GABBR2: variants seen among roughly 807,000 people sequenced by gnomAD.
GABBR2 encodes the protein G-protein coupled receptor 51.
GABBR2 carries 23 observed loss-of-function variants against 105.6 expected under a neutral mutation model. The observed-to-expected ratio is 0.22, with a 90% confidence interval of 0.16 to 0.31. The LOEUF (loss-of-function observed/expected upper bound fraction) is 0.31. Among genes scored for constraint, GABBR2 ranks in the 10% least tolerant of loss-of-function variants. The probability of loss-of-function intolerance (pLI) is 1.00; values close to 1 mark genes in which losing one functional copy is unlikely to be tolerated. For synonymous variants in GABBR2, 478 were observed against 499.7 expected (o/e 0.96, Z 0.58); for missense variants, 734 against 1,245.5 (o/e 0.59, Z 6.18).
intron 17 of GABBR2, among the ~76,000 whole-genome samples, chr9:98,295,064 G>A (rs1450987700): frequency 6.6e-6 from 1 of 152,128 alleles, no homozygotes; most frequent in African/African-American, 2.4e-5. Flanking sequence ...TTGCACCTAC[G>A]TGTGTACAGT....
intron 6 of GABBR2, among the ~76,000 whole-genome samples, chr9:98,464,879 C>A (rs553263681): frequency 3.3e-5 from 5 of 151,936 alleles, no homozygotes; most frequent in Non-Finnish European, 7.4e-5. Context: ...GGATTAAGGG[C>A]GGTGCAAGAT....
At chr9:98,331,421 T>TG (rs1343659796) in intron 13 of GABBR2, among the ~76,000 whole-genome samples, 5 of 113,094 alleles carry the variant, frequency 4.4e-5, no homozygotes, top group Middle Eastern at 4.4e-3. Flanking sequence ...TTTTTTTTTT[T>TG]GTGAAACATT....
chr9:98,504,531 T>C lies in GABBR2; in HGVS notation c.631-8017A>G, dbSNP rs186994715. On this transcript the variant is annotated intron_variant, in intron 3 of 18. Coordinates refer to ENST00000259455, the MANE Select transcript of GABBR2 (RefSeq NM_005458.8). ...ATGCACTTTACAACTCTTTGAAAAT[T>C]CTAATTAGGTTACGAAATGAACTTG... 3.0e-4 allele frequency among the ~76,000 whole-genome samples: 46 copies of C among 152,352 alleles called. No individual in the cohort carries two copies. The East Asian group carries it at 7.7e-3, about 26-fold the overall frequency.
intron 3 of GABBR2, among the ~76,000 whole-genome samples, chr9:98,541,535 C>T (rs575109268): frequency 6.6e-6 from 1 of 152,068 alleles, no homozygotes; most frequent in African/African-American, 2.4e-5. Context: ...GATGAACACA[C>T]CCCCTGGTAG....
intron 9 of GABBR2, among the ~76,000 whole-genome samples, chr9:98,392,968 A>T (rs1588137551): frequency 2.7e-5 from 1 of 37,034 alleles, no homozygotes; most frequent in Admixed American, 2.8e-4. Context: ...CACCCACCCA[A>T]CCCACCCACC....
intron 1 of GABBR2, among the ~76,000 whole-genome samples, chr9:98,599,693 A>G (rs1829296388): frequency 6.6e-6 from 1 of 152,230 alleles, no homozygotes; most frequent in Non-Finnish European, 1.5e-5. Flanking sequence ...ATGCGGGTAT[A>G]CAGTGACCTG....
intron 1 of GABBR2, among the ~76,000 whole-genome samples, chr9:98,603,906 C>G (rs950750755): frequency 2.6e-5 from 4 of 152,206 alleles, no homozygotes; most frequent in African/African-American, 9.7e-5. Context: ...AACCTTCCTA[C>G]CAACATGGAC....
intron 7 of GABBR2, among the ~76,000 whole-genome samples, chr9:98,431,905 C>T (rs1825814900): frequency 6.6e-6 from 1 of 151,738 alleles, no homozygotes; most frequent in Non-Finnish European, 1.5e-5. Context: ...TTTATTATCA[C>T]TATTTTTTGA....
intron 8 of GABBR2, among the ~76,000 whole-genome samples, chr9:98,400,009 C>A (rs1474917062): frequency 7.1e-6 from 1 of 141,516 alleles, no homozygotes; most frequent in Non-Finnish European, 1.5e-5. Context: ...AGACTCCCAC[C>A]TCCATGAAAA....
intron 1 of GABBR2, among the ~76,000 whole-genome samples, chr9:98,689,413 A>G (rs555596768): frequency 1.3e-5 from 2 of 152,332 alleles, no homozygotes; most frequent in African/African-American, 2.4e-5. Context: ...TACTACCTAT[A>G]AAGTCCTTAG....
intron 1 of GABBR2, among the ~76,000 whole-genome samples, chr9:98,583,009 C>T (rs773220251): frequency 7.9e-5 from 12 of 151,998 alleles, no homozygotes; most frequent in Non-Finnish European, 1.5e-4. Flanking sequence ...GAGACTCAAC[C>T]GAAGAGAAGG....
At chr9:98,689,349 A>G (rs1830657921) in intron 1 of GABBR2, among the ~76,000 whole-genome samples, 1 of 152,196 alleles carries the variant, frequency 6.6e-6, no homozygotes. Flanking sequence ...CATCTGAAAA[A>G]TGGGGGCAAT....
chr9:98,338,029 C>A (rs1052016110), intron 13 of GABBR2, among the ~76,000 whole-genome samples: 6 of 152,198 alleles, frequency 3.9e-5, no homozygotes, highest in Admixed American at 1.3e-4. Context: ...CTCGAAAAAA[C>A]CAAAACAAAC....
intron 6 of GABBR2, among the ~76,000 whole-genome samples, chr9:98,464,269 G>A (rs1424876709): frequency 2.0e-5 from 3 of 146,834 alleles, no homozygotes; most frequent in Admixed American, 6.7e-5. Context: ...AGTGAGGAGC[G>A]CCTCTTCCCG....
chr9:98,419,104 G>C (rs915890946), intron 7 of GABBR2, among the ~76,000 whole-genome samples: 2 of 152,256 alleles, frequency 1.3e-5, no homozygotes, highest in Admixed American at 1.3e-4. Flanking sequence ...GGCCCGGGGG[G>C]GCGGTGGAGC....
At position 98,599,762 on chromosome 9, in the gene GABBR2, C is replaced by T. The variant is rs906719090; in HGVS notation, c.322-21690G>A. 2.6e-5 allele frequency among the ~76,000 whole-genome samples: 4 copies of T among 152,330 alleles called. No homozygotes were observed. The South Asian group carries it at 6.2e-4, about 24-fold the overall frequency. ...AAACAGACCTGGGGACCCCACCCCG[C>T]ATGGCACCAGGAGGCTTTGGCCAAG... On this transcript the variant is annotated intron_variant, in intron 1 of 18. Coordinates refer to ENST00000259455, the MANE Select transcript of GABBR2 (RefSeq NM_005458.8).
intron 3 of GABBR2, among the ~76,000 whole-genome samples, chr9:98,506,546 T>C (rs1219919359): frequency 6.6e-6 from 1 of 152,192 alleles, no homozygotes; most frequent in South Asian, 2.1e-4. Context: ...AGACCCAGTC[T>C]GCAGACACAG....
At chr9:98,595,455 C>T (rs976602842) in intron 1 of GABBR2, among the ~76,000 whole-genome samples, 2 of 149,198 alleles carry the variant, frequency 1.3e-5, no homozygotes, top group Non-Finnish European at 3.0e-5. Context: ...GGCCTAGAGC[C>T]GGCCACCAGA....
At chr9:98,700,544 C>T (rs1830816679) in intron 1 of GABBR2, among the ~76,000 whole-genome samples, 1 of 152,206 alleles carries the variant, frequency 6.6e-6, no homozygotes, top group Admixed American at 6.5e-5. Context: ...GGTGTCAGAA[C>T]AGCATCATGG....
Sources: allele counts gnomAD v4.1 joint callset (sites outside exome capture counted in the v4.1 genomes callset), GRCh38; gene constraint gnomAD v4.1.1; transcripts MANE v1.5; gene names NCBI Gene and HGNC (gene_info 2026-07-23, HGNC 2026-07-21).